The following STAB1 variants were observed in gnomAD, a reference collection of about 807,000 sequenced individuals.
STAB1 encodes stabilin-1.
In STAB1, 250 loss-of-function variants were observed where a neutral mutation model predicts 332.4. The ratio of observed to expected loss-of-function variants is 0.75; its 90% CI spans 0.68 to 0.84. The LOEUF is 0.84. STAB1 is among the 40% of genes least tolerant of loss of function. The pLI is 0.00. For missense variants in STAB1, 3,249 were observed against 3,489.7 expected (o/e 0.93, Z 1.74); for synonymous variants, 1,475 against 1,390.4 (o/e 1.06, Z -1.35).
At position 52,520,241 on chromosome 3, in the gene STAB1, G is replaced by A. The variant is rs771225352; in HGVS notation, c.5450G>A (p.Arg1817Gln). 3.4e-5 allele frequency: 55 copies of A among 1,612,984 alleles called. No homozygotes were observed. The highest frequency in any genetic ancestry group is 4.2e-5 in the Non-Finnish European group (50 of 1,180,026). The change falls in exon 52 of 69, where the codon CGA (arginine) becomes CAA (glutamine). Residue 1817 changes from arginine to glutamine, a missense_variant. Physicochemically the swap from Arg to Gln is conservative, Grantham distance 43. Transcript: ENST00000321725. ...ASDLPNLGPL[R>Q]TMHGTPISFS... is the part of the protein sequence containing the mutation. ...GACCTGCCCAACCTGGGCCCACTTC[G>A]AACCATGCATGGGACCCCCATCTCT...
At chr3:52,496,945 A>C (rs1708072558) in intron 1 of STAB1, among the ~76,000 whole-genome samples, 1 of 152,240 alleles carries the variant, frequency 6.6e-6, no homozygotes, top group South Asian at 2.1e-4. Context: ...ACTTGGGTTC[A>C]ACCAACCCTG....
At chr3:52,495,513 G>GGGCACAC (rs1707940747) in intron 1 of STAB1, 22 bp downstream of exon 1, 1 of 1,315,492 alleles carries the variant, frequency 7.6e-7, no homozygotes, top group African/African-American at 1.5e-5. Flanking sequence ...CCAGTCGCAG[G>GGGCACAC]GGCACACGGC....
In STAB1 at chr3:52,521,966, G is replaced by C; in HGVS notation, c.6271+15G>C. On this transcript the variant is annotated intron_variant, in intron 58 of 68. Coordinates refer to ENST00000321725, the MANE Select transcript of STAB1 (RefSeq NM_015136.3). ...TGTGTGTACAGGTAAGCAGATGGGCGGGGACATGGAGGTGGGAGGCCCCCA... is the reference window on the plus strand; with the variant it reads ...TGTGTGTACAGGTAAGCAGATGGGCCGGGACATGGAGGTGGGAGGCCCCCA... 6.2e-7 allele frequency: 1 copy of C among 1,606,504 alleles called. No individual in the cohort carries two copies. Among genetic ancestry groups the C allele is most frequent in the South Asian group, 1.1e-5 (1 of 90,402 alleles).
chr3:52,498,597 T>A (rs1708214382), intron 1 of STAB1, among the ~76,000 whole-genome samples: 1 of 152,246 alleles, frequency 6.6e-6, no homozygotes, highest in African/African-American at 2.4e-5. Context: ...AACTCACCCA[T>A]CGCTCCATCT....
Position 52,518,810 on chromosome 3 carries a change from C to T in STAB1, c.4975C>T (p.Leu1659=), listed in dbSNP as rs1329071174. Residue 1659 remains leucine (L), a synonymous_variant, in exon 48 of 69, where the codon CTG becomes TTG. Coordinates refer to ENST00000321725, the MANE Select transcript of STAB1 (RefSeq NM_015136.3). ...GCRRLRSEDL[L]EQGYATALSG... is the part of the protein sequence containing the mutation. ...TCGGCGGCTGCGGAGCGAGGACCTG[C>T]TGGAGCAGGGGTACGCCACGGCCCT... 1.2e-6 allele frequency: 2 copies of T among 1,611,330 alleles called. No individual in the cohort carries two copies. The highest frequency in any genetic ancestry group is 3.3e-5 in the Admixed American group (2 of 59,962).
chr3:52,501,481 GT>G, intron 2 of STAB1, 156 bp from the exon 3 acceptor site: 1 of 1,109,544 alleles, frequency 9.0e-7, no homozygotes, highest in Non-Finnish European at 1.3e-6. Context: ...GGCAGGAGGG[GT>G]TTATGGGGCA....
rs370018721 is a variant in STAB1 at position 52,520,110 on chromosome 3, G to A, written c.5402G>A (p.Arg1801His). The change falls in exon 51 of 69, where the codon CGC (arginine) becomes CAC (histidine). Residue 1801 changes from arginine (R) to histidine (H), a missense_variant. By Grantham distance (29) the Arg-to-His change is conservative (BLOSUM62 0). Transcript: ENST00000321725. ...LAAILRGHMIRNVEALASDLP... is the reference protein window; with the variant it reads ...LAAILRGHMIHNVEALASDLP... ...GCCATTCTGCGGGGCCACATGATTC[G>A]CAATGTCGAGGTGGGTGCAGCCCCC... is the stretch of plus-strand genomic sequence containing the variant. 15 of 1,608,414 alleles carry A rather than the reference G, an allele frequency of 9.3e-6. No individual in the cohort carries two copies. The highest frequency in any genetic ancestry group is 5.0e-5 in the Admixed American group (3 of 59,912).
intron 42 of STAB1, 83 bp from the exon 43 acceptor site, chr3:52,517,237 G>A: frequency 6.7e-7 from 1 of 1,500,650 alleles, no homozygotes; most frequent in South Asian, 1.3e-5. Context: ...AGAGAGGAGG[G>A]GGTGGGACAG....
At chr3:52,514,611 G>A in intron 34 of STAB1, 90 bp from the exon 35 acceptor site, 2 of 1,585,752 alleles carry the variant, frequency 1.3e-6, no homozygotes, top group Non-Finnish European at 1.7e-6. Context: ...GCTCCAGGGA[G>A]CCCCCCGGCC....
intron 18 of STAB1, 82 bp downstream of exon 18, chr3:52,506,932 C>T (rs151205203): frequency 2.1e-5 from 32 of 1,558,198 alleles, no homozygotes; most frequent in African/African-American, 1.5e-4. Context: ...CAGGGAGAGG[C>T]GCTAAGTCAG....
chr3:52,496,887 C>CG (rs1559660585), intron 1 of STAB1, among the ~76,000 whole-genome samples: 1 of 152,192 alleles, frequency 6.6e-6, no homozygotes, highest in Non-Finnish European at 1.5e-5. Context: ...CCTGCATAGC[C>CG]GAGAGCCACT....
Position 52,508,179 on chromosome 3 carries a change from C to T in STAB1, c.2149-94C>T, listed in dbSNP as rs529142511. The T allele has an allele frequency of 6.1e-5, 85 of 1,388,522 alleles. 1 individual carries two copies. Among genetic ancestry groups the T allele is most frequent in the South Asian group, 3.1e-4 (24 of 77,100 alleles). 86.0% of individuals were successfully genotyped at this position (1,388,522 alleles called of 1,614,324 possible). ...GGTCCCAGAGAAACCTTATCCACTC[C>T]GTCACTCTGGAGATGGGGCCAGGGA... On this transcript the variant is annotated intron_variant, in intron 20 of 68. Coordinates refer to ENST00000321725, the MANE Select transcript of STAB1 (RefSeq NM_015136.3).
At chr3:52,516,266 G>GGGGC in intron 38 of STAB1, 28 bp downstream of exon 38, 3 of 794,396 alleles carry the variant, frequency 3.8e-6, no homozygotes, top group Non-Finnish European at 6.6e-6. Context: ...GCGGGGGTGG[G>GGGGC]CCTCCTGGCA....
At position 52,522,932 on chromosome 3, in the gene STAB1, G is replaced by T. The variant is rs184802643; in HGVS notation, c.6902G>T (p.Arg2301Leu). 1.9e-6 allele frequency: 3 copies of T among 1,612,878 alleles called. No homozygotes were observed. Among genetic ancestry groups the T allele is most frequent in the Non-Finnish European group, 1.7e-6 (2 of 1,179,656 alleles). Reference protein sequence around the residue: ...LSERWDAYCFRVQDVACRCRN... With the variant: ...LSERWDAYCFLVQDVACRCRN... ...GAACGCTGGGATGCCTACTGCTTCC[G>T]TGTGCAAGGTGTGTCCACCCGACCA... The change falls in exon 62 of 69, where the codon CGT (arginine) becomes CTT (leucine). Residue 2301 changes from arginine (R) to leucine (L), a missense_variant. Arg to Leu is a moderately radical substitution (Grantham distance 102, BLOSUM62 -2). Transcript: ENST00000321725.
rs2079163661 is a variant in STAB1 at position 52,523,769 on chromosome 3, A to AG, written c.7395+18dup. 6.3e-7 allele frequency: 1 copy of AG among 1,594,008 alleles called. No individual in the cohort carries two copies. Among genetic ancestry groups the AG allele is most frequent in the African/African-American group, 1.3e-5 (1 of 74,612 alleles). ...ACCCCCACAGCCCGTGAGTTGAGGA[A>AG]GGGGGAGGCAGAGCCCTTCCTGGCA... On this transcript the variant is annotated intron_variant, in intron 66 of 68. Coordinates refer to ENST00000321725, the MANE Select transcript of STAB1 (RefSeq NM_015136.3).
Position 52,517,931 on chromosome 3 carries a change from C to T in STAB1, c.4689C>T (p.Gly1563=). 1.9e-6 allele frequency: 3 copies of T among 1,611,276 alleles called. No individual in the cohort carries two copies. Among genetic ancestry groups the T allele is most frequent in the Middle Eastern group, 1.7e-4 (1 of 6,050 alleles). Residue 1563 remains glycine (G), a synonymous_variant, in exon 45 of 69, where the codon GGC becomes GGT. Transcript: ENST00000321725. The stretch of plus-strand genomic sequence containing the variant: ...CCACCTGCAAAAGCACAGGGGATGG[C>T]CAGAGGACATGTACCTGCGACACAG... ...PYATCKSTGD[G]QRTCTCDTAH...
At position 52,506,270 on chromosome 3, in the gene STAB1, G is replaced by C; in HGVS notation, c.1830+20G>C. The C allele has an allele frequency of 1.2e-6, 2 of 1,602,884 alleles. No individual in the cohort carries two copies. Among genetic ancestry groups the C allele is most frequent in the South Asian group, 2.2e-5 (2 of 89,346 alleles). On this transcript the variant is annotated intron_variant, in intron 17 of 68. Coordinates refer to ENST00000321725, the MANE Select transcript of STAB1 (RefSeq NM_015136.3). The stretch of plus-strand genomic sequence containing the variant: ...GAGGAGGTGAGGTGCACGGACACCT[G>C]GGCGGATGGTGGGGCTGGCGGTGAC...
In STAB1 at chr3:52,520,806, C is replaced by T. The variant is rs764972625; in HGVS notation, c.5709C>T (p.Gly1903=). ...PPCPEGSQEQ[G]SPEACWRFYP... ...GCGGCCTGACTCCTTTGGCCCAGGG[C>T]AGCCCTGAGGCCTGCTGGCGCTTCT... The change falls in exon 55 of 69, where the codon GGC becomes GGT. Residue 1903 remains glycine, a splice_region_variant and synonymous_variant. Transcript: ENST00000321725. 157 of 1,612,698 alleles carry T rather than the reference C, an allele frequency of 9.7e-5. No individual in the cohort carries two copies. Among genetic ancestry groups the T allele is most frequent in the Non-Finnish European group, 1.3e-4 (153 of 1,180,024 alleles).
chr3:52,516,889 C>T (rs1479405021), intron 41 of STAB1, 95 bp from the exon 42 acceptor site: 3 of 1,597,964 alleles, frequency 1.9e-6, no homozygotes, highest in African/African-American at 2.7e-5. Context: ...ACTCACCCTT[C>T]CCTCTGACCT....
Sources: gnomAD v4.1 joint callset for allele counts (sites outside exome capture counted in the v4.1 genomes callset) on GRCh38, gnomAD v4.1.1 for gene constraint, MANE v1.5 for transcripts, NCBI Gene and HGNC (gene_info 2026-07-23, HGNC 2026-07-21) for gene names.